RRAGC: variants seen among roughly 807,000 people sequenced by gnomAD.
RRAGC encodes ras-related GTP-binding protein C.
A neutral mutation model predicts 37.1 loss-of-function variants in RRAGC; 8 were observed. The observed-to-expected ratio is 0.22, with a 90% CI of 0.13 to 0.39. RRAGC has a LOEUF of 0.39. Ranked by LOEUF, RRAGC falls within the 10% of genes least tolerant of loss-of-function variation. The probability of loss-of-function intolerance (pLI) is 1.00; values close to 1 mark genes in which losing one functional copy is unlikely to be tolerated. For synonymous variants in RRAGC, 190 were observed against 181.1 expected (o/e 1.05, Z -0.39); for missense variants, 342 against 497.6 (o/e 0.69, Z 2.98).
At chr1:38,857,687 C>A (rs2124235640) in intron 1 of RRAGC, among the ~76,000 whole-genome samples, 1 of 152,318 alleles carries the variant, frequency 6.6e-6, no homozygotes, top group Non-Finnish European at 1.5e-5. Context: ...GGCCCGGGTG[C>A]GGTGGCTCAC....
intron 1 of RRAGC, 59 bp downstream of exon 1, chr1:38,859,351 C>T (rs987724250): frequency 1.4e-6 from 2 of 1,476,956 alleles, no homozygotes; most frequent in Admixed American, 2.1e-5. Context: ...CGGGCGTCCC[C>T]GCTACCGGCC....
intron 6 of RRAGC, among the ~76,000 whole-genome samples, chr1:38,845,184 A>G (rs1021632375): frequency 6.6e-6 from 1 of 152,238 alleles, no homozygotes; most frequent in Non-Finnish European, 1.5e-5. Context: ...ACGTATGCTT[A>G]TTGCAGCACT....
In RRAGC at chr1:38,859,542, C is replaced by CTCT. The variant is rs1196592879; in HGVS notation, c.102_104dup (p.Glu36dup). 1.3e-6 allele frequency: 2 copies of CTCT among 1,549,832 alleles called. No individual in the cohort carries two copies. Among genetic ancestry groups the CTCT allele is most frequent in the South Asian group, 2.4e-5 (2 of 84,104 alleles). Reference sequence around the variant, plus strand: ...CCCCTCCGCCCGCCGCCGCCGCCTCCTCTTCCTCCTCCTCCACGCCGTAGC... The same window carrying CTCT: ...CCCCTCCGCCCGCCGCCGCCGCCTCCTCTTCTTCCTCCTCCTCCACGCCGTAGC... On this transcript the variant is annotated inframe_insertion, in exon 1 of 7. Transcript: ENST00000373001.
At chr1:38,859,258 G>T in intron 1 of RRAGC, 152 bp downstream of exon 1, 1 of 754,594 alleles carries the variant, frequency 1.3e-6, no homozygotes, top group Non-Finnish European at 2.1e-6. Flanking sequence ...GGGTCCCCGC[G>T]CGGGCCGCGC....
At chr1:38,851,551 G>C (rs1459127664) in intron 5 of RRAGC, 64 bp downstream of exon 5, 1 of 1,418,196 alleles carries the variant, frequency 7.1e-7, no homozygotes, top group Admixed American at 2.7e-5. Context: ...TTAGTCTTCT[G>C]AACAAATCAA....
intron 5 of RRAGC, among the ~76,000 whole-genome samples, chr1:38,850,138 G>A (rs1168871296): frequency 3.3e-5 from 5 of 151,942 alleles, no homozygotes; most frequent in South Asian, 2.1e-4. Flanking sequence ...CCCAGGAGGC[G>A]GAGATTGCAG....
Position 38,855,404 on chromosome 1 carries a change from A to C in RRAGC, c.641+304T>G, listed in dbSNP as rs1642156475. 2.0e-5 allele frequency among the ~76,000 whole-genome samples: 3 copies of C among 152,212 alleles called. No individual in the cohort carries two copies. The South Asian group carries it at 6.2e-4, about 32-fold the overall frequency. Reference sequence around the variant, plus strand: ...GGGGAAAAGTAATGAAACCAAGAGGAAGGAGTCCCAAAGCAGATTTATGCC... The same window carrying C: ...GGGGAAAAGTAATGAAACCAAGAGGCAGGAGTCCCAAAGCAGATTTATGCC... On this transcript the variant is annotated intron_variant, in intron 3 of 6. Transcript: ENST00000373001.
chr1:38,856,010 T>C (rs921092231), intron 2 of RRAGC, 103 bp from the exon 3 acceptor site: 7 of 686,442 alleles, frequency 1.0e-5, no homozygotes, highest in Non-Finnish European at 1.7e-5. Context: ...AAAAATACTA[T>C]CCTAATTATC....
intron 5 of RRAGC, among the ~76,000 whole-genome samples, chr1:38,850,677 G>T (rs981227698): frequency 5.3e-5 from 8 of 152,138 alleles, no homozygotes; most frequent in Admixed American, 2.6e-4. Flanking sequence ...AGAGTCAGAG[G>T]TGAAAGAGAT....
At chr1:38,839,834 ACTT>A in intron 6 of RRAGC, 130 bp from the exon 7 acceptor site, 1 of 853,278 alleles carries the variant, frequency 1.2e-6, no homozygotes, top group South Asian at 1.7e-5. Flanking sequence ...CTAGATAGCA[ACTT>A]CTTCAATCGT....
At chr1:38,850,383 G>A (rs868717071) in intron 5 of RRAGC, among the ~76,000 whole-genome samples, 72 of 150,222 alleles carry the variant, frequency 4.8e-4, no homozygotes, top group Middle Eastern at 3.6e-3. Flanking sequence ...GCGTTGTGGC[G>A]GGCACCTGTA....
chr1:38,849,934 T>C (rs1642078012), intron 5 of RRAGC, among the ~76,000 whole-genome samples: 1 of 152,086 alleles, frequency 6.6e-6, no homozygotes, highest in South Asian at 2.1e-4. Flanking sequence ...AAGCCAGGCA[T>C]GGTGGCTCAT....
chr1:38,838,727 A>G lies in RRAGC; in HGVS notation c.*826T>C, dbSNP rs914544129. 4 of 152,264 alleles carry G rather than the reference A, an allele frequency of 2.6e-5. No homozygotes were observed. The highest frequency in any genetic ancestry group is 5.9e-5 in the Non-Finnish European group (4 of 68,052). The allele number at this position is 152,264 out of a possible 1,614,324, so 9.4% of individuals were successfully genotyped here. The stretch of plus-strand genomic sequence containing the variant: ...TAGAATAAAAGGTCTGTAGAGGCTG[A>G]TATCAAGATTAAAGTAAGCTAAACA... On this transcript the variant is annotated 3_prime_UTR_variant, in exon 7 of 7. Coordinates refer to ENST00000373001, the MANE Select transcript of RRAGC (RefSeq NM_022157.4).
intron 1 of RRAGC, among the ~76,000 whole-genome samples, chr1:38,858,173 C>G (rs986945353): frequency 9.2e-5 from 14 of 152,134 alleles, no homozygotes; most frequent in African/African-American, 3.1e-4. Context: ...AAATAAAACA[C>G]AGTACTCCAG....
intron 6 of RRAGC, among the ~76,000 whole-genome samples, chr1:38,843,677 G>A (rs985858789): frequency 6.7e-6 from 1 of 148,926 alleles, no homozygotes; most frequent in Non-Finnish European, 1.5e-5. Context: ...CCGAGATTGC[G>A]CCACTGCACT....
At chr1:38,849,165 T>C (rs900978173) in intron 5 of RRAGC, among the ~76,000 whole-genome samples, 28 of 151,756 alleles carry the variant, frequency 1.8e-4, no homozygotes, top group African/African-American at 5.8e-4. Context: ...TAGTCCCAGC[T>C]ACTCAGGAGG....
chr1:38,852,272 A>G (rs1023370825), intron 4 of RRAGC, 102 bp downstream of exon 4: 1 of 737,072 alleles, frequency 1.4e-6, no homozygotes, highest in Non-Finnish European at 2.4e-6. Flanking sequence ...TGTACTTGAT[A>G]CAGATTAATT....
In RRAGC at chr1:38,838,489, G is replaced by T. The variant is rs546422350; in HGVS notation, c.*1064C>A. ...TGTTAGGTTTAAATCAATGGAAAGG[G>T]TATCAACCATCAACAAAAGCAACAA... On this transcript the variant is annotated 3_prime_UTR_variant, in exon 7 of 7. Coordinates refer to ENST00000373001, the MANE Select transcript of RRAGC (RefSeq NM_022157.4). 2 of 152,330 alleles carry T rather than the reference G, an allele frequency of 1.3e-5. No individual in the cohort carries two copies. Among genetic ancestry groups the T allele is most frequent in the African/African-American group, 2.4e-5 (1 of 41,566 alleles). 9.4% of individuals were successfully genotyped at this position (152,330 alleles called of 1,614,324 possible).
At chr1:38,852,701 G>A (rs1229594551) in intron 3 of RRAGC, 1 of 336,504 alleles carries the variant, frequency 3.0e-6, no homozygotes, top group African/African-American at 2.2e-5. Flanking sequence ...GGGGGCAACT[G>A]AAGTAGTACT....
Sources: gnomAD v4.1 joint callset for allele counts (sites outside exome capture counted in the v4.1 genomes callset) on GRCh38, gnomAD v4.1.1 for gene constraint, MANE v1.5 for transcripts, NCBI Gene and HGNC (gene_info 2026-07-23, HGNC 2026-07-21) for gene names.